RPP14: variants seen among roughly 807,000 people sequenced by gnomAD.
RPP14 encodes the protein ribonuclease P protein subunit p14.
Under a neutral mutation model 17.8 loss-of-function variants are expected in RPP14, and 19 were observed. The observed-to-expected ratio is 1.07, with a 90% CI of 0.74 to 1.57. The LOEUF is 1.57. Among genes scored for constraint, RPP14 ranks in the 40% most tolerant of loss-of-function variants. The probability of loss-of-function intolerance (pLI) is 0.00; values close to 1 mark genes in which losing one functional copy is unlikely to be tolerated. For missense variants in RPP14, 125 were observed against 140.8 expected (o/e 0.89, Z 0.57); for synonymous variants, 60 against 56.4 (o/e 1.06, Z -0.29).
intron 3 of RPP14, among the ~76,000 whole-genome samples, chr3:58,313,222 G>A (rs978055547): frequency 6.6e-6 from 1 of 152,120 alleles, no homozygotes; most frequent in Non-Finnish European, 1.5e-5. Flanking sequence ...TCACGCCACT[G>A]CACTCCAGCC....
intron 3 of RPP14, among the ~76,000 whole-genome samples, chr3:58,315,207 A>G (rs968826213): frequency 6.6e-6 from 1 of 152,206 alleles, no homozygotes; most frequent in African/African-American, 2.4e-5. Context: ...TATACTCGAC[A>G]GTGAAAAGGA....
rs567660160 is a variant in RPP14 at position 58,310,248 on chromosome 3, A to T, written c.-21-61A>T. On this transcript the variant is annotated intron_variant, in intron 1 of 5. Transcript: ENST00000295959. ...AAAAACCCAAATAGGCCAAATTCTC[A>T]TCAAAACTCTGAAAAATAGCATGTG... The T allele has an allele frequency of 6.5e-6, 9 of 1,377,478 alleles. No individual in the cohort carries two copies. In the South Asian group the frequency reaches 9.7e-5, roughly 15 times the overall value. The allele number at this position is 1,377,478 out of a possible 1,614,324, so 85.3% of individuals were successfully genotyped here.
At chr3:58,315,763 G>A (rs928599222) in intron 3 of RPP14, 22 of 152,400 alleles carry the variant, frequency 1.4e-4, no homozygotes, top group Admixed American at 3.9e-4. Context: ...CGCACCCTCC[G>A]CCTCCCAGGT....
In RPP14 at chr3:58,317,836, C is replaced by G. The variant is rs1419369105; in HGVS notation, c.*340C>G. The G allele has an allele frequency of 5.7e-6, 4 of 703,052 alleles. No individual in the cohort carries two copies. Among genetic ancestry groups the G allele is most frequent in the South Asian group, 4.4e-5 (3 of 67,604 alleles). The allele number at this position is 703,052 out of a possible 1,614,324, so 43.6% of individuals were successfully genotyped here. A position where few individuals can be genotyped will look rare whatever the true frequency, so the allele number is the denominator to read the frequency against. On this transcript the variant is annotated 3_prime_UTR_variant, in exon 6 of 6. Coordinates refer to ENST00000295959, the MANE Select transcript of RPP14 (RefSeq NM_007042.6). ...GCATTTGAATGAAGACTTTGCAAAA[C>G]ACACCAAGTTTGGAAATACAATTGT... is the stretch of plus-strand genomic sequence containing the variant.
chr3:58,310,290 C>G lies in RPP14; in HGVS notation c.-21-19C>G, dbSNP rs780311677. On this transcript the variant is annotated intron_variant, in intron 1 of 5. Transcript: ENST00000295959. ...TAGCATGTGCATTGGTCATTTCTAG[C>G]CCTCTTGACTTACTGTAGGTGTGAT... The G allele has an allele frequency of 8.9e-6, 14 of 1,568,546 alleles. No individual in the cohort carries two copies. The highest frequency in any genetic ancestry group is 5.0e-5 in the Admixed American group (3 of 59,440).
At chr3:58,311,259 A>T (rs1251551451) in intron 3 of RPP14, among the ~76,000 whole-genome samples, 2 of 152,052 alleles carry the variant, frequency 1.3e-5, no homozygotes, top group East Asian at 1.9e-4. Flanking sequence ...GATTCAAGGG[A>T]TCTTCCTGCC....
intron 1 of RPP14, chr3:58,308,032 A>G (rs1198933403): frequency 2.6e-5 from 4 of 151,992 alleles, no homozygotes; most frequent in Admixed American, 1.3e-4. Flanking sequence ...TCACTCCCCT[A>G]TTTTAGGCAG....
At position 58,318,202 on chromosome 3, in the gene RPP14, A is replaced by T. The variant is rs1036143035; in HGVS notation, c.*706A>T. 24 of 598,490 alleles carry T rather than the reference A, an allele frequency of 4.0e-5. No homozygotes were observed. Among genetic ancestry groups the T allele is most frequent in the African/African-American group, 1.9e-5 (1 of 53,840 alleles). The allele number at this position is 598,490 out of a possible 1,614,324, so 37.1% of individuals were successfully genotyped here. A position where few individuals can be genotyped will look rare whatever the true frequency, so the allele number is the denominator to read the frequency against. On this transcript the variant is annotated 3_prime_UTR_variant, in exon 6 of 6. Transcript: ENST00000295959. The stretch of plus-strand genomic sequence containing the variant: ...GGGGAATTGCTGCTCTTTACCAAAG[A>T]ATGGTTGATAGGCCCAGAAGCCCAT...
intron 3 of RPP14, among the ~76,000 whole-genome samples, chr3:58,311,179 G>T (rs2097481860): frequency 6.6e-6 from 1 of 151,380 alleles, no homozygotes; most frequent in Non-Finnish European, 1.5e-5. Flanking sequence ...CTTTGAGATG[G>T]AGTCTTGCTT....
chr3:58,310,121 G>T, intron 1 of RPP14, 188 bp from the exon 2 acceptor site: 1 of 559,038 alleles, frequency 1.8e-6, no homozygotes, highest in Non-Finnish European at 3.2e-6. Context: ...GATCACCTGA[G>T]CCTCGAGAGC....
At chr3:58,316,746 A>G (rs1157908308) in intron 4 of RPP14, among the ~76,000 whole-genome samples, 155 bp downstream of exon 4, 2 of 152,246 alleles carry the variant, frequency 1.3e-5, no homozygotes, top group Middle Eastern at 3.2e-3. Context: ...TTCATCCACC[A>G]GAAACTTGTA....
Position 58,318,126 on chromosome 3 carries a change from A to G in RPP14, c.*630A>G, listed in dbSNP as rs916210139. On this transcript the variant is annotated 3_prime_UTR_variant, in exon 6 of 6. Coordinates refer to ENST00000295959, the MANE Select transcript of RPP14 (RefSeq NM_007042.6). ...CAGAAGCTTCCAAATCCTGAAATAGATGTTTTAAAGATGCAACCTCAAACA... is the reference window on the plus strand; with the variant it reads ...CAGAAGCTTCCAAATCCTGAAATAGGTGTTTTAAAGATGCAACCTCAAACA... The G allele has an allele frequency of 3.2e-6, 2 of 632,636 alleles. No homozygotes were observed. Among genetic ancestry groups the G allele is most frequent in the East Asian group, 2.7e-5 (1 of 36,854 alleles). 39.2% of individuals were successfully genotyped at this position (632,636 alleles called of 1,614,324 possible). A position where few individuals can be genotyped will look rare whatever the true frequency, so the allele number is the denominator to read the frequency against.
At chr3:58,317,128 CTTGA>C in intron 5 of RPP14, 135 bp downstream of exon 5, 1 of 671,380 alleles carries the variant, frequency 1.5e-6, no homozygotes, top group South Asian at 2.0e-5. Context: ...AAATAAAGGA[CTTGA>C]TTGTTTCCAA....
At position 58,317,986 on chromosome 3, in the gene RPP14, T is replaced by G. The variant is rs1408999494; in HGVS notation, c.*490T>G. The G allele has an allele frequency of 1.4e-6, 1 of 702,988 alleles. No homozygotes were observed. Among genetic ancestry groups the G allele is most frequent in the Non-Finnish European group, 2.6e-6 (1 of 385,008 alleles). 43.5% of individuals were successfully genotyped at this position (702,988 alleles called of 1,614,324 possible). A position where few individuals can be genotyped will look rare whatever the true frequency, so the allele number is the denominator to read the frequency against. ...CCCTTTATATATTGGAGAAGTTGTT[T>G]TAGCTTCTGCAGAAGTGAAAAAGCT... On this transcript the variant is annotated 3_prime_UTR_variant, in exon 6 of 6. Transcript: ENST00000295959.
intron 3 of RPP14, 53 bp from the exon 4 acceptor site, chr3:58,316,462 C>A: frequency 6.7e-7 from 1 of 1,484,000 alleles, no homozygotes; most frequent in Non-Finnish European, 9.4e-7. Context: ...AGTTGACAAG[C>A]ATTCAAGAAT....
At position 58,310,475 on chromosome 3, in the gene RPP14, AAT is replaced by A. The variant is rs766822363; in HGVS notation, c.78-29_78-28del. On this transcript the variant is annotated intron_variant, in intron 2 of 5. Transcript: ENST00000295959. ...CATGAATCTGAATAGAATGAAATTT[AAT>A]ATGACTTTTTTTTTTTTCACTTTTT... 1.5e-5 allele frequency: 24 copies of A among 1,586,860 alleles called. No individual in the cohort carries two copies. In the African/African-American group the frequency reaches 2.5e-4, roughly 17 times the overall value.
In RPP14 at chr3:58,319,655, ATAAATAT is replaced by A. The variant is rs2097492374; in HGVS notation, c.*2163_*2169del. On this transcript the variant is annotated 3_prime_UTR_variant, in exon 6 of 6. Coordinates refer to ENST00000295959, the MANE Select transcript of RPP14 (RefSeq NM_007042.6). ...AGTAAAAAAAAAAAAATTGTAAGAA[ATAAATAT>A]TAAGAAGATTATGGAGGCCAAATTC... The A allele has an allele frequency of 6.6e-6, 1 of 152,034 alleles. No homozygotes were observed. The highest frequency in any genetic ancestry group is 1.5e-5 in the Non-Finnish European group (1 of 68,032). 9.4% of individuals were successfully genotyped at this position (152,034 alleles called of 1,614,324 possible). A position where few individuals can be genotyped will look rare whatever the true frequency, so the allele number is the denominator to read the frequency against.
chr3:58,308,127 C>A (rs1273724502), intron 1 of RPP14: 2 of 152,106 alleles, frequency 1.3e-5, no homozygotes, highest in Non-Finnish European at 2.9e-5. Flanking sequence ...TTCTCCCTGC[C>A]CTTCTAGTTA....
At position 58,310,095 on chromosome 3, in the gene RPP14, G is replaced by C. The variant is rs2097480466; in HGVS notation, c.-21-214G>C. 5.7e-6 allele frequency: 3 copies of C among 525,984 alleles called. No homozygotes were observed. In the Admixed American group the frequency reaches 9.9e-5, roughly 17 times the overall value. 32.6% of individuals were successfully genotyped at this position (525,984 alleles called of 1,614,324 possible). On this transcript the variant is annotated intron_variant, in intron 1 of 5. Transcript: ENST00000295959. The stretch of plus-strand genomic sequence containing the variant: ...CGTGCCTATACTCCCAGCTACTCAG[G>C]AGTCTGAGGCAGGAGGATCACCTGA...
Sources: allele counts gnomAD v4.1 joint callset (sites outside exome capture counted in the v4.1 genomes callset), GRCh38; gene constraint gnomAD v4.1.1; transcripts MANE v1.5; gene names NCBI Gene and HGNC (gene_info 2026-07-23, HGNC 2026-07-21).